The following CNGA1 variants were observed in gnomAD, a reference collection of about 807,000 sequenced individuals.
The protein encoded by CNGA1 is cyclic nucleotide-gated channel alpha-1.
In CNGA1, 53 loss-of-function variants were observed where a neutral mutation model predicts 69.7. That is an observed-to-expected ratio of 0.76 (90% CI 0.61 to 0.96). The LOEUF (loss-of-function observed/expected upper bound fraction) is 0.96, where lower values mean the gene tolerates loss of function less well. Ranked by LOEUF, CNGA1 falls within the 40% of genes least tolerant of loss-of-function variation. The pLI is 0.00. For synonymous variants in CNGA1, 249 were observed against 283.5 expected, an observed-to-expected ratio of 0.88 and a Z score of 1.22; for missense variants, 739 against 811.2, an observed-to-expected ratio of 0.91 and a Z score of 1.08.
intron 9 of CNGA1, 129 bp downstream of exon 9, chr4:47,941,912 T>C (rs549536972): frequency 5.7e-5 from 38 of 663,302 alleles, no homozygotes; most frequent in Non-Finnish European, 8.7e-5. Context: ...ATCTAGCCTC[T>C]CTTTACCACC....
At chr4:47,986,993 TGTTGTGTTGA>T (rs1186583779) in intron 2 of CNGA1, among the ~76,000 whole-genome samples, 8 of 152,130 alleles carry the variant, frequency 5.3e-5, no homozygotes, top group Non-Finnish European at 1.0e-4. Context: ...TGTTGTGTTG[TGTTGTGTTGA>T]GTTGTGTTGT....
intron 8 of CNGA1, 90 bp from the exon 9 acceptor site, chr4:47,942,238 C>G: frequency 1.2e-6 from 1 of 830,856 alleles, no homozygotes; most frequent in Non-Finnish European, 2.1e-6. Flanking sequence ...CCATCAACCA[C>G]AATTAATGAA....
intron 3 of CNGA1, among the ~76,000 whole-genome samples, chr4:47,978,949 G>T (rs1741555289): frequency 6.6e-6 from 1 of 152,104 alleles, no homozygotes; most frequent in Admixed American, 6.5e-5. Context: ...ACTTTGGAAA[G>T]GTAACATTTG....
Position 47,937,005 on chromosome 4 carries a change from G to A in CNGA1, c.1477C>T (p.Pro493Ser). ...TAATCTCCAGGACTGTAGACTTGGG[G>A]TTGCAATTTCAAGACCAACTCCACC... The part of the protein sequence containing the change: ...LLVELVLKLQ[P>S]QVYSPGDYIC... Residue 493 changes from proline to serine, a missense_variant, in exon 11 of 11, where the codon CCC becomes TCC. Physicochemically the swap from Pro to Ser is moderately conservative, Grantham distance 74 (BLOSUM62 -1). Coordinates refer to ENST00000514170, the MANE Select transcript of CNGA1 (RefSeq NM_001379270.1). 6.2e-7 allele frequency: 1 copy of A among 1,614,076 alleles called. No individual in the cohort carries two copies. The highest frequency in any genetic ancestry group is 8.5e-7 in the Non-Finnish European group (1 of 1,180,010).
intron 10 of CNGA1, among the ~76,000 whole-genome samples, chr4:47,939,587 C>T (rs2352463): frequency 0.8 from 122,061 of 152,174 alleles, 49,217 homozygotes; most frequent in East Asian, 0.98. Context: ...AGACTTACGA[C>T]TGGCATCTGA....
intron 2 of CNGA1, among the ~76,000 whole-genome samples, chr4:47,999,036 C>T (rs59363169): frequency 0.53 from 79,979 of 152,058 alleles, 23,058 homozygotes; most frequent in Non-Finnish European, 0.64. Context: ...AAGTCATTCA[C>T]CTCCTTCGTC....
At chr4:47,985,236 A>G (rs1392182022) in intron 2 of CNGA1, among the ~76,000 whole-genome samples, 2 of 152,190 alleles carry the variant, frequency 1.3e-5, no homozygotes, top group Non-Finnish European at 2.9e-5. Context: ...ACAAATATCA[A>G]AGTTAAACTT....
chr4:47,963,211 A>G (rs1560294163), intron 3 of CNGA1, among the ~76,000 whole-genome samples: 1 of 152,224 alleles, frequency 6.6e-6, no homozygotes, highest in Non-Finnish European at 1.5e-5. Flanking sequence ...TTAGCCTCCC[A>G]AAGTGTTGGA....
chr4:47,946,879 G>A (rs773943127), intron 6 of CNGA1, among the ~76,000 whole-genome samples: 1 of 152,118 alleles, frequency 6.6e-6, no homozygotes. Context: ...CTGCCTCCCA[G>A]TTCAAGTGAT....
At chr4:47,996,482 A>G (rs73147993) in intron 2 of CNGA1, among the ~76,000 whole-genome samples, 41 of 152,290 alleles carry the variant, frequency 2.7e-4, no homozygotes, top group African/African-American at 9.9e-4. Flanking sequence ...GCATAATGGG[A>G]ATAGATTCTT....
intron 3 of CNGA1, among the ~76,000 whole-genome samples, chr4:47,977,828 A>ATTTTTTTTTTTTTTTTTTTTTTTTT: frequency 6.7e-6 from 1 of 148,528 alleles, no homozygotes; most frequent in African/African-American, 2.5e-5. Flanking sequence ...CATTTAAGTG[A>ATTTTTTTTTTTTTTTTTTTTTTTTT]TTTTTTTTTT....
At chr4:47,967,580 T>C (rs1329245168) in intron 3 of CNGA1, among the ~76,000 whole-genome samples, 3 of 152,262 alleles carry the variant, frequency 2.0e-5, no homozygotes, top group Middle Eastern at 3.4e-3. Context: ...AAAAAATGAT[T>C]AGAACAAATA....
chr4:47,994,846 T>G (rs556619460), intron 2 of CNGA1, among the ~76,000 whole-genome samples: 1 of 152,338 alleles, frequency 6.6e-6, no homozygotes, highest in South Asian at 2.1e-4. Context: ...TAGAGCTCTT[T>G]TTAGCAGTTC....
chr4:47,975,985 A>G (rs1424823426), intron 3 of CNGA1, among the ~76,000 whole-genome samples: 1 of 151,202 alleles, frequency 6.6e-6, no homozygotes, highest in African/African-American at 2.4e-5. Flanking sequence ...CCTCACCCCA[A>G]TATCTGTTTC....
intron 3 of CNGA1, among the ~76,000 whole-genome samples, chr4:47,972,116 A>G (rs556209366): frequency 1.3e-5 from 2 of 152,302 alleles, no homozygotes; most frequent in Admixed American, 6.5e-5. Context: ...CTCTATGCAT[A>G]ATTCTGCAAC....
chr4:47,949,724 T>C (rs913231739), intron 6 of CNGA1, 109 bp downstream of exon 6: 1 of 775,056 alleles, frequency 1.3e-6, no homozygotes, highest in Non-Finnish European at 2.2e-6. Flanking sequence ...TTGTATTAGA[T>C]CATTTGATTA....
At chr4:47,956,908 G>T (rs1740121295) in intron 3 of CNGA1, among the ~76,000 whole-genome samples, 1 of 151,986 alleles carries the variant, frequency 6.6e-6, no homozygotes, top group Admixed American at 6.6e-5. Flanking sequence ...ATAAATTCCA[G>T]AATTTACTGC....
chr4:47,993,958 T>C (rs1002060084), intron 2 of CNGA1, among the ~76,000 whole-genome samples: 23 of 152,144 alleles, frequency 1.5e-4, no homozygotes, highest in African/African-American at 5.3e-4. Context: ...CAGGAGCAGG[T>C]TATTTAATTT....
At chr4:47,941,019 C>A in intron 9 of CNGA1, 150 bp from the exon 10 acceptor site, 1 of 609,050 alleles carries the variant, frequency 1.6e-6, no homozygotes, top group South Asian at 2.1e-5. Flanking sequence ...AACCATGGCT[C>A]TCCCGATATT....
Sources: gnomAD v4.1 joint callset for allele counts (sites outside exome capture counted in the v4.1 genomes callset) on GRCh38, gnomAD v4.1.1 for gene constraint, MANE v1.5 for transcripts, NCBI Gene and HGNC (gene_info 2026-07-23, HGNC 2026-07-21) for gene names.